KIF4B: variants seen among roughly 807,000 people sequenced by gnomAD.
KIF4B encodes kinesin family member 4B, also known as chromosome-associated kinesin KIF4B.
KIF4B carries 60 observed loss-of-function variants against 69.0 expected under a neutral mutation model. The observed-to-expected ratio is 0.87, with a 90% CI of 0.71 to 1.08. The LOEUF is 1.08. KIF4B is among the 50% of genes least tolerant of loss of function. The pLI is 0.00. For synonymous variants in KIF4B, 489 were observed against 533.0 expected (o/e 0.92, Z 1.14); for missense variants, 1,357 against 1,451.9 (o/e 0.93, Z 1.06).
Position 155,017,210 on chromosome 5 carries a change from A to C in KIF4B, c.3351A>C (p.Thr1117=), listed in dbSNP as rs1765346457. The C allele has an allele frequency of 6.2e-7, 1 of 1,614,076 alleles. No individual in the cohort carries two copies. The highest frequency in any genetic ancestry group is 1.3e-5 in the African/African-American group (1 of 74,920). Reference sequence around the variant, plus strand: ...GTGTGGACTGTAGCTGTGACCCCACAAAGTGTCGGAACCGCCAGCAAGGCA... The same window carrying C: ...GTGTGGACTGTAGCTGTGACCCCACCAAGTGTCGGAACCGCCAGCAAGGCA... ...DCGVDCSCDP[T]KCRNRQQGKD... Residue 1117 remains threonine (T), a synonymous_variant, in exon 1 of 1, where the codon ACA becomes ACC. Transcript: ENST00000435029.
chr5:155,017,347 C>T lies in KIF4B; in HGVS notation c.3488C>T (p.Thr1163Ile), dbSNP rs1223241104. Residue 1163 changes from threonine (T) to isoleucine (I), a missense_variant, in exon 1 of 1, where the codon ACC (threonine) becomes ATC (isoleucine). Thr to Ile is a moderately conservative substitution (Grantham distance 89). Coordinates refer to ENST00000435029, the MANE Select transcript of KIF4B (RefSeq NM_001099293.3). ...GLSFFNPVCA[T>I]PNSKILKEMC... ...AGCTTCTTTAACCCTGTCTGTGCCA[C>T]CCCCAATAGCAAGATCCTGAAAGAG... 1.9e-6 allele frequency: 3 copies of T among 1,614,138 alleles called. No individual in the cohort carries two copies. Among genetic ancestry groups the T allele is most frequent in the Admixed American group, 1.7e-5 (1 of 60,024 alleles).
In KIF4B at chr5:155,014,092, A is replaced by G. The variant is rs771623017; in HGVS notation, c.233A>G (p.Lys78Arg). Residue 78 changes from lysine to arginine, a missense_variant, in exon 1 of 1, where the codon AAA becomes AGA. By Grantham distance (26) the Lys-to-Arg change is conservative (BLOSUM62 2). Coordinates refer to ENST00000435029, the MANE Select transcript of KIF4B (RefSeq NM_001099293.3). Reference sequence around the variant, plus strand: ...GCGCCGCTCATAAAAGGCATATTTAAAGGATATAATGCAACGGTCCTGGCC... The same window carrying G: ...GCGCCGCTCATAAAAGGCATATTTAGAGGATATAATGCAACGGTCCTGGCC... ...AVAPLIKGIF[K>R]GYNATVLAYG... The G allele has an allele frequency of 1.9e-6, 3 of 1,614,088 alleles. No individual in the cohort carries two copies. In the Admixed American group the frequency reaches 5.0e-5, roughly 27 times the overall value.
Position 155,014,599 on chromosome 5 carries a change from A to G in KIF4B, c.740A>G (p.Gln247Arg). 1 of 1,603,566 alleles carries G rather than the reference A, an allele frequency of 6.2e-7. No individual in the cohort carries two copies. Among genetic ancestry groups the G allele is most frequent in the Non-Finnish European group, 8.5e-7 (1 of 1,175,552 alleles). The change falls in exon 1 of 1, where the codon CAG becomes CGG. Residue 247 changes from glutamine to arginine, a missense_variant. Gln to Arg is a conservative substitution (Grantham distance 43, BLOSUM62 1). Transcript: ENST00000435029. ...HLVDLAGSER[Q>R]KKTKAEGDRL... ...GTAGATCTCGCTGGATCAGAAAGACAGAAGAAAACCAAGGCTGAAGGGGAT... is the reference window on the plus strand; with the variant it reads ...GTAGATCTCGCTGGATCAGAAAGACGGAAGAAAACCAAGGCTGAAGGGGAT...
At position 155,014,412 on chromosome 5, in the gene KIF4B, T is replaced by C; in HGVS notation, c.553T>C (p.Leu185=). The stretch of plus-strand genomic sequence containing the variant: ...CACTGAGAAGACTGTTTTAGTTGCC[T>C]TGGATACTGTTTCCTGTTTGGAGCA... ...GLTEKTVLVA[L]DTVSCLEQGN... The change falls in exon 1 of 1, where the codon TTG becomes CTG. Residue 185 remains leucine, a synonymous_variant. Transcript: ENST00000435029. The C allele has an allele frequency of 6.2e-7, 1 of 1,614,208 alleles. No homozygotes were observed.
chr5:155,017,110 A>G lies in KIF4B; in HGVS notation c.3251A>G (p.Asn1084Ser), dbSNP rs1196871130. 1 of 1,614,162 alleles carries G rather than the reference A, an allele frequency of 6.2e-7. No homozygotes were observed. Among genetic ancestry groups the G allele is most frequent in the Admixed American group, 1.7e-5 (1 of 60,024 alleles). ...PTKLVKVSRK[N>S]IQGCSCKGWC... ...AAATTAGTCAAGGTGTCCAGGAAGAACATCCAAGGGTGTTCCTGCAAGGGC... is the reference window on the plus strand; with the variant it reads ...AAATTAGTCAAGGTGTCCAGGAAGAGCATCCAAGGGTGTTCCTGCAAGGGC... The change falls in exon 1 of 1, where the codon AAC becomes AGC. Residue 1084 changes from asparagine to serine, a missense_variant. Physicochemically the swap from Asn to Ser is conservative, Grantham distance 46. Coordinates refer to ENST00000435029, the MANE Select transcript of KIF4B (RefSeq NM_001099293.3).
Position 155,016,778 on chromosome 5 carries a change from G to T in KIF4B, c.2919G>T (p.Met973Ile). 6.2e-7 allele frequency: 1 copy of T among 1,614,172 alleles called. No homozygotes were observed. The highest frequency in any genetic ancestry group is 1.1e-5 in the South Asian group (1 of 91,076). Residue 973 changes from methionine (M) to isoleucine (I), a missense_variant, in exon 1 of 1, where the codon ATG becomes ATT. Met to Ile is a conservative substitution (Grantham distance 10). Transcript: ENST00000435029. Reference protein sequence around the residue: ...LQCQDEELEKMREVCEQNQQL... With the variant: ...LQCQDEELEKIREVCEQNQQL... ...GTCAGGATGAAGAACTTGAGAAGAT[G>T]CGAGAAGTGTGTGAGCAAAATCAGC...
In KIF4B at chr5:155,013,931, T is replaced by C. The variant is rs765303675; in HGVS notation, c.72T>C (p.Ile24=). 1.9e-6 allele frequency: 3 copies of C among 1,614,238 alleles called. No individual in the cohort carries two copies. In the Admixed American group the frequency reaches 5.0e-5, roughly 27 times the overall value. The change falls in exon 1 of 1, where the codon ATT becomes ATC. Residue 24 remains isoleucine, a synonymous_variant. Transcript: ENST00000435029. ...GTCGCCCTCTGGTCCCCAAAGAGAT[T>C]AGCGAGGGCTGCCAGATGTGCCTTT... ...LRCRPLVPKE[I]SEGCQMCLSF...
chr5:155,015,027 G>A lies in KIF4B; in HGVS notation c.1168G>A (p.Glu390Lys). The A allele has an allele frequency of 6.2e-7, 1 of 1,614,182 alleles. No individual in the cohort carries two copies. The highest frequency in any genetic ancestry group is 8.5e-7 in the Non-Finnish European group (1 of 1,180,050). Residue 390 changes from glutamate to lysine, a missense_variant, in exon 1 of 1, where the codon GAG becomes AAG. By Grantham distance (56) the Glu-to-Lys change is moderately conservative. Coordinates refer to ENST00000435029, the MANE Select transcript of KIF4B (RefSeq NM_001099293.3). ...ATCAGAGAATCTACAATCCCTGATG[G>A]AGAAGAATCAGTCCCTGGTAGAGGA... is the stretch of plus-strand genomic sequence containing the variant. ...EPSENLQSLM[E>K]KNQSLVEENE...
rs771623017 is a variant in KIF4B at position 155,014,092 on chromosome 5, A to C, written c.233A>C (p.Lys78Thr). ...GCGCCGCTCATAAAAGGCATATTTA[A>C]AGGATATAATGCAACGGTCCTGGCC... ...AVAPLIKGIF[K>T]GYNATVLAYG... is the part of the protein sequence containing the mutation. Residue 78 changes from lysine (K) to threonine (T), a missense_variant, in exon 1 of 1, where the codon AAA becomes ACA. By Grantham distance (78) the Lys-to-Thr change is moderately conservative (BLOSUM62 -1). Coordinates refer to ENST00000435029, the MANE Select transcript of KIF4B (RefSeq NM_001099293.3). 2.0e-5 allele frequency: 33 copies of C among 1,614,206 alleles called. No individual in the cohort carries two copies. Among genetic ancestry groups the C allele is most frequent in the Non-Finnish European group, 2.8e-5 (33 of 1,180,040 alleles).
Position 155,015,307 on chromosome 5 carries a change from G to T in KIF4B, c.1448G>T (p.Cys483Phe), listed in dbSNP as rs1582712768. 6.2e-7 allele frequency: 1 copy of T among 1,614,092 alleles called. No homozygotes were observed. The highest frequency in any genetic ancestry group is 1.7e-5 in the Admixed American group (1 of 60,008). ...CAGTTATCAGATGAAACTGTTGCTT[G>T]CACGGCTGCAGCCATTGATACTGCG... ...ITQLSDETVA[C>F]TAAAIDTAVE... Residue 483 changes from cysteine to phenylalanine, a missense_variant, in exon 1 of 1, where the codon TGC becomes TTC. Physicochemically the swap from Cys to Phe is radical, Grantham distance 205. Transcript: ENST00000435029.
chr5:155,014,274 TCTTA>T lies in KIF4B; in HGVS notation c.420_423del (p.Tyr140Ter), dbSNP rs1047507021. The T allele has an allele frequency of 6.2e-7, 1 of 1,614,230 alleles. No individual in the cohort carries two copies. Among genetic ancestry groups the T allele is most frequent in the Non-Finnish European group, 8.5e-7 (1 of 1,180,056 alleles). ...TGACTTTGAATTTACTCTGAAAGTG[TCTTA>T]CTTAGAGATTTACAATGAAGAAATT... On this transcript the variant is annotated frameshift_variant, in exon 1 of 1. Transcript: ENST00000435029. LOFTEE classifies it high-confidence loss of function.
Position 155,016,041 on chromosome 5 carries a change from C to T in KIF4B, c.2182C>T (p.Arg728Trp), listed in dbSNP as rs776866601. The T allele has an allele frequency of 7.4e-6, 12 of 1,613,982 alleles. No individual in the cohort carries two copies. Among genetic ancestry groups the T allele is most frequent in the East Asian group, 4.5e-5 (2 of 44,878 alleles). The change falls in exon 1 of 1, where the codon CGG becomes TGG. Residue 728 changes from arginine (R) to tryptophan (W), a missense_variant. Transcript: ENST00000435029. ...LQKQREVTDK[R>W]KETQSHGKEG... Reference sequence around the variant, plus strand: ...GAAACAACGAGAGGTCACAGATAAGCGGAAAGAGACTCAGAGCCATGGAAA... The same window carrying T: ...GAAACAACGAGAGGTCACAGATAAGTGGAAAGAGACTCAGAGCCATGGAAA...
Position 155,015,076 on chromosome 5 carries a change from T to G in KIF4B, c.1217T>G (p.Leu406Arg). 1 of 1,614,164 alleles carries G rather than the reference T, an allele frequency of 6.2e-7. No individual in the cohort carries two copies. The highest frequency in any genetic ancestry group is 8.5e-7 in the Non-Finnish European group (1 of 1,180,032). The change falls in exon 1 of 1, where the codon CTG becomes CGG. Residue 406 changes from leucine (L) to arginine (R), a missense_variant. Leu to Arg is a moderately radical substitution (Grantham distance 102). Transcript: ENST00000435029. ...GAGAATGAAAAATTAAGTCGTTGTCTGAGCAAGGCAGCTGGTCAGACAGCC... is the reference window on the plus strand; with the variant it reads ...GAGAATGAAAAATTAAGTCGTTGTCGGAGCAAGGCAGCTGGTCAGACAGCC... Reference protein sequence around the residue: ...VEENEKLSRCLSKAAGQTAQM... With the variant: ...VEENEKLSRCRSKAAGQTAQM...
rs1355326825 is a variant in KIF4B at position 155,017,408 on chromosome 5, T to C, written c.3549T>C (p.Thr1183=). ...TGGAGCAGGTGCTGTCAAAGAAGAC[T>C]GCTCCAGCTCCCTCCCCTTTTGACC... ...CDMEQVLSKK[T]APAPSPFDLP... is the part of the protein sequence containing the mutation. The change falls in exon 1 of 1, where the codon ACT becomes ACC. Residue 1183 remains threonine, a synonymous_variant. Transcript: ENST00000435029. 6.2e-7 allele frequency: 1 copy of C among 1,614,100 alleles called. No homozygotes were observed. The highest frequency in any genetic ancestry group is 1.3e-5 in the African/African-American group (1 of 74,938).
rs200320925 is a variant in KIF4B at position 155,015,963 on chromosome 5, C to A, written c.2104C>A (p.Arg702Ser). ...NFQKQSSVLR[R>S]KTEEAAAANK... ...CCAGAAACAATCCAGTGTGCTCAGA[C>A]GTAAAACGGAAGAGGCAGCAGCTGC... The change falls in exon 1 of 1, where the codon CGT (arginine) becomes AGT (serine). Residue 702 changes from arginine to serine, a missense_variant. Transcript: ENST00000435029. 5.6e-6 allele frequency: 9 copies of A among 1,614,156 alleles called. No individual in the cohort carries two copies. Among genetic ancestry groups the A allele is most frequent in the South Asian group, 1.1e-5 (1 of 91,080 alleles).
chr5:155,017,346 A>AC lies in KIF4B; in HGVS notation c.3492dup (p.Asn1165GlnfsTer2). On this transcript the variant is annotated frameshift_variant, in exon 1 of 1. Coordinates refer to ENST00000435029, the MANE Select transcript of KIF4B (RefSeq NM_001099293.3). LOFTEE classifies it low-confidence loss of function (END_TRUNC). ...GAGCTTCTTTAACCCTGTCTGTGCC[A>AC]CCCCCAATAGCAAGATCCTGAAAGA... 1 of 1,614,086 alleles carries AC rather than the reference A, an allele frequency of 6.2e-7. No individual in the cohort carries two copies.
chr5:155,015,019 C>A lies in KIF4B; in HGVS notation c.1160C>A (p.Ser387Tyr), dbSNP rs565698502. Residue 387 changes from serine (S) to tyrosine (Y), a missense_variant, in exon 1 of 1, where the codon TCC (serine) becomes TAC (tyrosine). Coordinates refer to ENST00000435029, the MANE Select transcript of KIF4B (RefSeq NM_001099293.3). ...INAEPSENLQ[S>Y]LMEKNQSLVE... Reference sequence around the variant, plus strand: ...GCAGAACCATCAGAGAATCTACAATCCCTGATGGAGAAGAATCAGTCCCTG... The same window carrying A: ...GCAGAACCATCAGAGAATCTACAATACCTGATGGAGAAGAATCAGTCCCTG... The A allele has an allele frequency of 6.2e-7, 1 of 1,614,036 alleles. No homozygotes were observed. The highest frequency in any genetic ancestry group is 1.3e-5 in the African/African-American group (1 of 74,914).
chr5:155,017,701 AG>A lies in KIF4B; in HGVS notation c.*138del. On this transcript the variant is annotated 3_prime_UTR_variant, in exon 1 of 1. Coordinates refer to ENST00000435029, the MANE Select transcript of KIF4B (RefSeq NM_001099293.3). ...AAAAAGGAACAAAGCATTACTAAAA[AG>A]AAGGTAACCTTTGTTGGATGTTGTC... The A allele has an allele frequency of 1.4e-6, 2 of 1,412,154 alleles. No individual in the cohort carries two copies. Among genetic ancestry groups the A allele is most frequent in the South Asian group, 3.1e-5 (2 of 64,718 alleles). The allele number at this position is 1,412,154 out of a possible 1,614,324, so 87.5% of individuals were successfully genotyped here. A position where few individuals can be genotyped will look rare whatever the true frequency, so the allele number is the denominator to read the frequency against.
rs1473977777 is a variant in KIF4B at position 155,015,521 on chromosome 5, G to A, written c.1662G>A (p.Gln554=). The stretch of plus-strand genomic sequence containing the variant: ...ACGACAACCAACTACAGCCCATTCA[G>A]TTTCAATACCAGGATAACATAAAAA... ...TQNDNQLQPI[Q]FQYQDNIKNL... Residue 554 remains glutamine (Q), a synonymous_variant, in exon 1 of 1, where the codon CAG becomes CAA. Coordinates refer to ENST00000435029, the MANE Select transcript of KIF4B (RefSeq NM_001099293.3). 6 of 1,614,068 alleles carry A rather than the reference G, an allele frequency of 3.7e-6. No individual in the cohort carries two copies. Among genetic ancestry groups the A allele is most frequent in the Non-Finnish European group, 5.1e-6 (6 of 1,180,056 alleles).
Sources: allele counts gnomAD v4.1 joint callset, GRCh38; gene constraint gnomAD v4.1.1; transcripts MANE v1.5; gene names NCBI Gene and HGNC (gene_info 2026-07-23, HGNC 2026-07-21).